CDH12: variants seen among roughly 807,000 people sequenced by gnomAD.
CDH12 encodes cadherin-12.
A neutral mutation model predicts 74.1 loss-of-function variants in CDH12; 41 were observed. The observed-to-expected ratio is 0.55, with a 90% CI of 0.43 to 0.72. The LOEUF (loss-of-function observed/expected upper bound fraction) is 0.72, where lower values mean the gene tolerates loss of function less well. CDH12 is among the 30% of genes least tolerant of loss of function. The pLI, the probability that CDH12 is intolerant of heterozygous loss-of-function variation, is 0.00. For synonymous variants in CDH12, 399 were observed against 355.0 expected, an observed-to-expected ratio of 1.12 and a Z score of -1.39; for missense variants, 945 against 977.2, an observed-to-expected ratio of 0.97 and a Z score of 0.44.
intron 3 of CDH12, among the ~76,000 whole-genome samples, chr5:22,330,989 C>G (rs1224376350): frequency 6.6e-6 from 1 of 151,906 alleles, no homozygotes; most frequent in Non-Finnish European, 1.5e-5. Flanking sequence ...CTTTGGGCTT[C>G]AGGTGAACAT....
At chr5:22,462,403 T>G (rs1268557450) in intron 2 of CDH12, among the ~76,000 whole-genome samples, 1 of 152,182 alleles carries the variant, frequency 6.6e-6, no homozygotes, top group African/African-American at 2.4e-5. Flanking sequence ...TAGAGGGCTG[T>G]TGGACATGGG....
intron 1 of CDH12, among the ~76,000 whole-genome samples, chr5:22,801,309 G>A (rs1748498743): frequency 6.6e-6 from 1 of 152,026 alleles, no homozygotes. Flanking sequence ...AGGCTTCGTA[G>A]GTAGCTCTGC....
intron 3 of CDH12, among the ~76,000 whole-genome samples, chr5:22,371,754 A>G (rs1322610503): frequency 6.6e-6 from 1 of 152,214 alleles, no homozygotes; most frequent in Non-Finnish European, 1.5e-5. Context: ...CACCTATTGC[A>G]AGACAAATCA....
intron 1 of CDH12, among the ~76,000 whole-genome samples, chr5:22,694,629 T>A (rs548832341): frequency 6.6e-6 from 1 of 152,240 alleles, no homozygotes; most frequent in Admixed American, 6.5e-5. Context: ...ATTGAAGAGT[T>A]ACTTTTTAAA....
chr5:22,162,739 G>T (rs1748433385), intron 4 of CDH12, among the ~76,000 whole-genome samples: 2 of 152,182 alleles, frequency 1.3e-5, no homozygotes, highest in Admixed American at 1.3e-4. Flanking sequence ...CTTAGTGCAG[G>T]TTTGTCAGCT....
intron 1 of CDH12, among the ~76,000 whole-genome samples, chr5:22,726,173 C>T (rs576857197): frequency 7.9e-5 from 12 of 151,740 alleles, no homozygotes; most frequent in Non-Finnish European, 1.5e-4. Flanking sequence ...CCACTACCTT[C>T]GAAATGCTCT....
intron 1 of CDH12, among the ~76,000 whole-genome samples, chr5:22,526,390 A>T (rs1737281962): frequency 6.6e-6 from 1 of 152,188 alleles, no homozygotes; most frequent in African/African-American, 2.4e-5. Flanking sequence ...TATGACATAG[A>T]CCCGGAGAAT....
At chr5:21,990,861 C>T (rs540895202) in intron 5 of CDH12, among the ~76,000 whole-genome samples, 12 of 151,814 alleles carry the variant, frequency 7.9e-5, no homozygotes, top group Non-Finnish European at 1.6e-4. Flanking sequence ...GTCATCTAAC[C>T]CCATGTGTCT....
At chr5:22,375,821 C>T (rs527262325) in intron 3 of CDH12, among the ~76,000 whole-genome samples, 2 of 145,620 alleles carry the variant, frequency 1.4e-5, no homozygotes, top group South Asian at 2.3e-4. Flanking sequence ...AAAACAGATG[C>T]TAACGAGGCT....
At chr5:21,994,216 C>T (rs1736135550) in intron 5 of CDH12, among the ~76,000 whole-genome samples, 1 of 152,064 alleles carries the variant, frequency 6.6e-6, no homozygotes, top group Non-Finnish European at 1.5e-5. Context: ...ATGGTCCCCA[C>T]CTCATCTTGT....
At chr5:22,840,444 T>C (rs1177613034) in intron 1 of CDH12, among the ~76,000 whole-genome samples, 1 of 151,902 alleles carries the variant, frequency 6.6e-6, no homozygotes, top group African/African-American at 2.4e-5. Flanking sequence ...AATGCTTGGG[T>C]ATGCTTATAC....
chr5:22,767,457 C>T (rs2127065178), intron 1 of CDH12, among the ~76,000 whole-genome samples: 1 of 152,012 alleles, frequency 6.6e-6, no homozygotes. Flanking sequence ...TAAACTAAAA[C>T]ATGATGCAAC....
chr5:22,441,781 T>C (rs370395422), intron 2 of CDH12, among the ~76,000 whole-genome samples: 1 of 152,198 alleles, frequency 6.6e-6, no homozygotes, highest in Non-Finnish European at 1.5e-5. Context: ...GTTGGCTCAC[T>C]GCAACCCCTG....
intron 1 of CDH12, among the ~76,000 whole-genome samples, chr5:22,513,626 T>C (rs559450578): frequency 1.3e-5 from 2 of 152,190 alleles, no homozygotes; most frequent in Non-Finnish European, 2.9e-5. Flanking sequence ...AAATTTGCAA[T>C]ATAGAAGGAT....
chr5:22,059,176 G>A (rs187771428), intron 5 of CDH12, among the ~76,000 whole-genome samples: 27 of 152,184 alleles, frequency 1.8e-4, no homozygotes, highest in African/African-American at 6.0e-4. Context: ...TAATCAAAGG[G>A]AAAAATTACT....
intron 6 of CDH12, among the ~76,000 whole-genome samples, chr5:21,926,673 G>C (rs746288333): frequency 1.3e-5 from 2 of 152,132 alleles, no homozygotes; most frequent in Non-Finnish European, 2.9e-5. Flanking sequence ...TTGTTCTATG[G>C]AGGAGGAAGG....
chr5:21,853,244 C>A (rs1392897662), intron 7 of CDH12, among the ~76,000 whole-genome samples: 1 of 151,526 alleles, frequency 6.6e-6, no homozygotes, highest in African/African-American at 2.4e-5. Context: ...GTAATTTTCT[C>A]ATCATGCACT....
chr5:22,710,258 T>A (rs1034363525), intron 1 of CDH12, among the ~76,000 whole-genome samples: 1 of 152,230 alleles, frequency 6.6e-6, no homozygotes, highest in African/African-American at 2.4e-5. Flanking sequence ...AAACTTTATA[T>A]GTTTCATAGT....
chr5:22,552,931 A>C (rs1016455313), intron 1 of CDH12, among the ~76,000 whole-genome samples: 1 of 152,098 alleles, frequency 6.6e-6, no homozygotes, highest in Non-Finnish European at 1.5e-5. Context: ...ATAAATTTAA[A>C]ATCTACATGA....
Sources: gnomAD v4.1 joint callset for allele counts (sites outside exome capture counted in the v4.1 genomes callset) on GRCh38, gnomAD v4.1.1 for gene constraint, MANE v1.5 for transcripts, NCBI Gene and HGNC (gene_info 2026-07-23, HGNC 2026-07-21) for gene names.